ESR1: variants seen among roughly 807,000 people sequenced by gnomAD.
The protein encoded by ESR1 is estrogen receptor.
In ESR1, 12 loss-of-function variants were observed where a neutral mutation model predicts 52.7. The observed-to-expected ratio is 0.23, with a 90% CI of 0.15 to 0.37. ESR1 has a LOEUF of 0.37. Ranked by LOEUF, ESR1 falls within the 10% of genes least tolerant of loss-of-function variation. The probability of loss-of-function intolerance (pLI) is 1.00; values close to 1 mark genes in which losing one functional copy is unlikely to be tolerated. For missense variants in ESR1, 584 were observed against 779.7 expected (o/e 0.75, Z 2.99); for synonymous variants, 305 against 316.8 (o/e 0.96, Z 0.39).
intron 5 of ESR1, among the ~76,000 whole-genome samples, chr6:152,036,723 G>A (rs933519971): frequency 2.6e-5 from 4 of 152,168 alleles, no homozygotes; most frequent in African/African-American, 7.2e-5. Flanking sequence ...TGAAATAGAG[G>A]TTGGTGGAGT....
intron 1 of ESR1, among the ~76,000 whole-genome samples, chr6:151,810,045 A>G (rs1041520804): frequency 6.6e-6 from 1 of 152,170 alleles, no homozygotes; most frequent in Non-Finnish European, 1.5e-5. Flanking sequence ...TTGCAAATTA[A>G]TGCTGCTGAA....
intron 1 of ESR1, among the ~76,000 whole-genome samples, chr6:151,838,531 G>C (rs974112328): frequency 1.3e-5 from 2 of 152,300 alleles, no homozygotes; most frequent in Admixed American, 1.3e-4. Flanking sequence ...ACAGCTCTCT[G>C]TCTAGAGGAA....
chr6:151,705,789 G>A (rs1455095620), intron 2 of ESR1, among the ~76,000 whole-genome samples: 1 of 152,136 alleles, frequency 6.6e-6, no homozygotes, highest in Non-Finnish European at 1.5e-5. Flanking sequence ...TATGTCAGGT[G>A]GCAAGAGGAA....
chr6:151,910,113 G>T (rs547904863), intron 3 of ESR1, among the ~76,000 whole-genome samples: 1 of 151,608 alleles, frequency 6.6e-6, no homozygotes, highest in African/African-American at 2.4e-5. Context: ...GTGTGACACT[G>T]TCTGATAGAA....
chr6:151,736,485 G>A (rs919926463), intron 2 of ESR1, among the ~76,000 whole-genome samples: 3 of 148,482 alleles, frequency 2.0e-5, no homozygotes, highest in African/African-American at 7.4e-5. Flanking sequence ...CAATTCTCCT[G>A]CCTCAGCCTC....
At chr6:151,836,918 C>T (rs947114125) in intron 1 of ESR1, among the ~76,000 whole-genome samples, 9 of 152,142 alleles carry the variant, frequency 5.9e-5, no homozygotes, top group African/African-American at 2.2e-4. Context: ...AACTGCTTGG[C>T]TAATCAGGGG....
rs149787669 is a variant in ESR1, at chr6:151,885,556, A to G, written c.760+4785A>G. ...TTTATGAGCTTCACTAATTTCAAAT[A>G]TGAAATGGAGATAAATAAATTTTAT... is the stretch of plus-strand genomic sequence containing the variant. On this transcript the variant is annotated intron_variant, in intron 3 of 7. Transcript: ENST00000206249. Among the ~76,000 whole-genome samples the G allele has an allele frequency of 4.9e-3, 742 of 152,354 alleles. 3 individuals are homozygous for G. The highest frequency in any genetic ancestry group is 0.014 in the African/African-American group (600 of 41,582).
intron 6 of ESR1, among the ~76,000 whole-genome samples, chr6:152,116,743 T>C (rs1161156007): frequency 6.6e-6 from 1 of 151,422 alleles, no homozygotes; most frequent in African/African-American, 2.4e-5. Flanking sequence ...GTATTATTTA[T>C]ATCTATTTTA....
upstream of ESR1, among the ~76,000 whole-genome samples, chr6:151,689,470 T>C (rs1778816228): frequency 6.6e-6 from 1 of 152,252 alleles, no homozygotes. Context: ...CTGGAGAAGT[T>C]ACTCTCAGAC....
intron 6 of ESR1, among the ~76,000 whole-genome samples, chr6:152,062,960 G>T (rs930916524): frequency 9.9e-5 from 15 of 152,100 alleles, no homozygotes; most frequent in African/African-American, 3.6e-4. Flanking sequence ...AAACTATTAT[G>T]CAAGAAATAT....
chr6:151,670,041 C>G (rs1353884964), intron 1 of ESR1, among the ~76,000 whole-genome samples: 1 of 152,164 alleles, frequency 6.6e-6, no homozygotes, highest in Non-Finnish European at 1.5e-5. Flanking sequence ...ATAACATCTA[C>G]TTTCTTTACC....
chr6:151,738,562 C>T (rs1782844567), intron 2 of ESR1, among the ~76,000 whole-genome samples: 1 of 152,144 alleles, frequency 6.6e-6, no homozygotes, highest in African/African-American at 2.4e-5. Context: ...AGTAGCCCAT[C>T]CTAATAGGCA....
intron 2 of ESR1, among the ~76,000 whole-genome samples, chr6:151,783,422 C>T (rs954554935): frequency 1.3e-5 from 2 of 152,222 alleles, no homozygotes; most frequent in Non-Finnish European, 2.9e-5. Context: ...GTCACTGCTA[C>T]AGGCACTTCA....
At chr6:152,127,938 A>C (rs958477144) in exon 7 of ESR1, 1 of 152,100 alleles carries the variant, frequency 6.6e-6, no homozygotes, top group African/African-American at 2.4e-5. Context: ...GCCACTTCTC[A>C]TTCCATCTTA....
intron 5 of ESR1, among the ~76,000 whole-genome samples, chr6:152,059,622 AAC>A (rs1234049890): frequency 6.6e-6 from 1 of 152,158 alleles, no homozygotes; most frequent in Non-Finnish European, 1.5e-5. Context: ...TTCTCTTATC[AAC>A]AGTCTATTGT....
At chr6:151,951,424 T>C (rs1440884557) in intron 4 of ESR1, among the ~76,000 whole-genome samples, 1 of 152,258 alleles carries the variant, frequency 6.6e-6, no homozygotes, top group Non-Finnish European at 1.5e-5. Context: ...TTTCCAATTC[T>C]GAAATCAAAA....
rs2035451810 is a variant in ESR1, at chr6:151,944,263, G to C, written c.851G>C (p.Gly284Ala). The change falls in exon 4 of 8, where the codon GGA becomes GCA. Residue 284 changes from glycine (G) to alanine (A), a missense_variant. Transcript: ENST00000206249. ...GGCAGGGGTGAAGTGGGGTCTGCTG[G>C]AGACATGAGAGCTGCCAACCTTTGG... ...GEGRGEVGSA[G>A]DMRAANLWPS... 1.2e-6 allele frequency: 2 copies of C among 1,614,136 alleles called. No individual in the cohort carries two copies. The highest frequency in any genetic ancestry group is 1.7e-5 in the Admixed American group (1 of 60,024).
At chr6:152,031,368 TC>T (rs1276313345) in intron 5 of ESR1, among the ~76,000 whole-genome samples, 1 of 151,828 alleles carries the variant, frequency 6.6e-6, no homozygotes, top group Non-Finnish European at 1.5e-5. Context: ...TTTGAAAAGA[TC>T]AATAAAACTG....
intron 3 of ESR1, 136 bp from the exon 4 acceptor site, chr6:151,944,037 G>T: frequency 1.4e-6 from 1 of 709,226 alleles, no homozygotes; most frequent in Non-Finnish European, 2.4e-6. Flanking sequence ...GCCACTTGTT[G>T]AACACTTACC....
Sources: allele counts gnomAD v4.1 joint callset (sites outside exome capture counted in the v4.1 genomes callset), GRCh38; gene constraint gnomAD v4.1.1; transcripts MANE v1.5; gene names NCBI Gene and HGNC (gene_info 2026-07-23, HGNC 2026-07-21).